STXBP5L: variants seen among roughly 807,000 people sequenced by gnomAD.
STXBP5L encodes syntaxin binding protein 5L.
STXBP5L carries 65 observed loss-of-function variants against 144.5 expected under a neutral mutation model. The observed-to-expected ratio is 0.45, with a 90% CI of 0.37 to 0.55. STXBP5L has a LOEUF of 0.55. STXBP5L is among the 20% of genes least tolerant of loss of function. STXBP5L has a pLI of 0.00. For missense variants in STXBP5L, 1,298 were observed against 1,405.5 expected (o/e 0.92, Z 1.22); for synonymous variants, 505 against 469.6 (o/e 1.08, Z -0.97).
At chr3:121,321,977 G>T (rs2043985620) in intron 20 of STXBP5L, among the ~76,000 whole-genome samples, 2 of 152,172 alleles carry the variant, frequency 1.3e-5, no homozygotes, top group Non-Finnish European at 2.9e-5. Context: ...GTACCCTACA[G>T]TTAGTTTACC....
intron 2 of STXBP5L, among the ~76,000 whole-genome samples, chr3:120,936,956 T>TA (rs1157891241): frequency 6.6e-6 from 1 of 152,162 alleles, no homozygotes; most frequent in Non-Finnish European, 1.5e-5. Flanking sequence ...CTCAGTCTTT[T>TA]AGTGAGCCTG....
intron 3 of STXBP5L, among the ~76,000 whole-genome samples, chr3:120,960,360 A>G (rs182917762): frequency 0.019 from 2,933 of 152,316 alleles, 89 homozygotes; most frequent in African/African-American, 0.066. Context: ...GCGATTCCTC[A>G]GGGATCTAGA....
intron 19 of STXBP5L, among the ~76,000 whole-genome samples, chr3:121,291,440 T>C (rs2051434873): frequency 6.6e-6 from 1 of 152,198 alleles, no homozygotes; most frequent in South Asian, 2.1e-4. Flanking sequence ...GCCATGCTCA[T>C]GGATGGGTAG....
chr3:121,265,432 A>C (rs2050530340), intron 18 of STXBP5L, among the ~76,000 whole-genome samples: 1 of 152,098 alleles, frequency 6.6e-6, no homozygotes, highest in Non-Finnish European at 1.5e-5. Context: ...CAATGAGAAC[A>C]GACACAACGT....
intron 9 of STXBP5L, among the ~76,000 whole-genome samples, chr3:121,159,927 C>T (rs138310473): frequency 0.017 from 2,516 of 152,204 alleles, 37 homozygotes; most frequent in Middle Eastern, 0.061. Flanking sequence ...CCACCGCGCC[C>T]GGCCGACATT....
At chr3:121,371,835 C>T (rs984338223) in intron 20 of STXBP5L, among the ~76,000 whole-genome samples, 4 of 152,230 alleles carry the variant, frequency 2.6e-5, no homozygotes, top group African/African-American at 9.6e-5. Flanking sequence ...AGGTGGGGCA[C>T]AGGCAGGGCA....
At chr3:121,089,508 TC>T (rs1173732349) in intron 5 of STXBP5L, among the ~76,000 whole-genome samples, 3 of 136,766 alleles carry the variant, frequency 2.2e-5, no homozygotes, top group African/African-American at 8.2e-5. Flanking sequence ...TGTTGTTTTT[TC>T]TCTTGCTGCT....
At chr3:120,985,153 G>A (rs1237628601) in intron 3 of STXBP5L, among the ~76,000 whole-genome samples, 3 of 151,840 alleles carry the variant, frequency 2.0e-5, no homozygotes, top group Admixed American at 1.3e-4. Context: ...TGACTTTGTT[G>A]TTAGGGTACT....
At chr3:120,984,632 C>CTTTTTTTTTTTTTTTTTTTTTTCTT (rs35656223) in intron 3 of STXBP5L, among the ~76,000 whole-genome samples, 1 of 71,960 alleles carries the variant, frequency 1.4e-5, no homozygotes, top group Non-Finnish European at 2.4e-5. Flanking sequence ...TCTTTCTTTC[C>CTTTTTTTTTTTTTTTTTTTTTTCTT]TTTTTTTTTT....
In STXBP5L at chr3:121,420,587, G is replaced by T. The variant is rs1440952764; in HGVS notation, c.*1490G>T. Reference sequence around the variant, plus strand: ...ACCTACTACCATTTAACATGATTCTGGAAGTCAAAAGTTATAGGAATGTAT... The same window carrying T: ...ACCTACTACCATTTAACATGATTCTTGAAGTCAAAAGTTATAGGAATGTAT... On this transcript the variant is annotated 3_prime_UTR_variant, in exon 27 of 27. Transcript: ENST00000471454. 1 of 152,074 alleles carries T rather than the reference G, an allele frequency of 6.6e-6. No homozygotes were observed. The highest frequency in any genetic ancestry group is 1.5e-5 in the Non-Finnish European group (1 of 67,976). The allele number at this position is 152,074 out of a possible 1,614,324, so 9.4% of individuals were successfully genotyped here.
intron 19 of STXBP5L, among the ~76,000 whole-genome samples, chr3:121,296,907 T>C (rs189433899): frequency 2.0e-5 from 3 of 152,192 alleles, no homozygotes; most frequent in African/African-American, 7.2e-5. Flanking sequence ...GGCAGAGAAA[T>C]TTATGCAGTC....
At chr3:120,934,539 A>G (rs986474819) in intron 2 of STXBP5L, among the ~76,000 whole-genome samples, 2 of 152,072 alleles carry the variant, frequency 1.3e-5, no homozygotes, top group African/African-American at 2.4e-5. Context: ...AACTTTTACT[A>G]TATCTTTACT....
intron 25 of STXBP5L, among the ~76,000 whole-genome samples, chr3:121,417,693 G>T (rs1454394630): frequency 6.6e-6 from 1 of 152,162 alleles, no homozygotes; most frequent in Non-Finnish European, 1.5e-5. Context: ...TGGAACTCCT[G>T]ACCTCAGGTG....
At chr3:121,107,384 A>T (rs947821633) in intron 5 of STXBP5L, among the ~76,000 whole-genome samples, 5 of 151,892 alleles carry the variant, frequency 3.3e-5, no homozygotes, top group East Asian at 1.9e-4. Context: ...TCTTGAGTTA[A>T]TTTTTTTATA....
At chr3:120,918,287 T>G (rs1709201274) in intron 2 of STXBP5L, among the ~76,000 whole-genome samples, 1 of 152,194 alleles carries the variant, frequency 6.6e-6, no homozygotes, top group African/African-American at 2.4e-5. Flanking sequence ...ATCTGCAACC[T>G]TAATTCCCCT....
rs2048326857 is a variant in STXBP5L, at chr3:121,206,108, A to G, written c.956+107A>G. 9.0e-6 allele frequency: 5 copies of G among 558,190 alleles called. No homozygotes were observed. In the Admixed American group the frequency reaches 1.0e-4, roughly 11 times the overall value. The allele number at this position is 558,190 out of a possible 1,614,324, so 34.6% of individuals were successfully genotyped here. On this transcript the variant is annotated intron_variant, in intron 10 of 26. Transcript: ENST00000471454. ...TAAAGTTTTACAAAATTGTAAAGAC[A>G]ACTGAATCCTCAATATTAACATAAT...
At chr3:121,322,313 T>C (rs2043997991) in intron 20 of STXBP5L, among the ~76,000 whole-genome samples, 1 of 152,084 alleles carries the variant, frequency 6.6e-6, no homozygotes, top group South Asian at 2.1e-4. Context: ...ACCCAGTCTC[T>C]ACTAAAAATA....
chr3:121,169,154 C>T lies in STXBP5L; in HGVS notation c.877+11527C>T, dbSNP rs59280668. On this transcript the variant is annotated intron_variant, in intron 9 of 26. Coordinates refer to ENST00000471454, the MANE Select transcript of STXBP5L (RefSeq NM_001308330.2). ...AAGCAAATGCTGAAAGATGCTGTCC[C>T]CACCAGGCCTGCCTTACAAGTGCTC... 2.6e-3 allele frequency among the ~76,000 whole-genome samples: 396 copies of T among 152,298 alleles called. 2 individuals carry two copies. The highest frequency in any genetic ancestry group is 8.9e-3 in the African/African-American group (370 of 41,556).
At chr3:120,973,991 G>T (rs528949218) in intron 3 of STXBP5L, among the ~76,000 whole-genome samples, 1 of 152,018 alleles carries the variant, frequency 6.6e-6, no homozygotes, top group Non-Finnish European at 1.5e-5. Flanking sequence ...GAATAGTGCC[G>T]CAATAAACAT....
Sources: gnomAD v4.1 joint callset for allele counts (sites outside exome capture counted in the v4.1 genomes callset) on GRCh38, gnomAD v4.1.1 for gene constraint, MANE v1.5 for transcripts, NCBI Gene and HGNC (gene_info 2026-07-23, HGNC 2026-07-21) for gene names.